The following KIF26B variants were observed in gnomAD, a reference collection of about 807,000 sequenced individuals.
The protein encoded by KIF26B is kinesin-like protein KIF26B.
A neutral mutation model predicts 151.2 loss-of-function variants in KIF26B; 63 were observed. The ratio of observed to expected loss-of-function variants is 0.42; its 90% CI spans 0.34 to 0.51. The LOEUF is 0.51. Among genes scored for constraint, KIF26B ranks in the 20% least tolerant of loss-of-function variants. The pLI, the probability that KIF26B is intolerant of heterozygous loss-of-function variation, is 0.07. For missense variants in KIF26B, 2,813 were observed against 2,913.6 expected (o/e 0.97, Z 0.79); for synonymous variants, 1,357 against 1,262.1 (o/e 1.08, Z -1.59).
intron 9 of KIF26B, among the ~76,000 whole-genome samples, chr1:245,644,862 TTA>T (rs1430728390): frequency 6.6e-6 from 1 of 152,180 alleles, no homozygotes; most frequent in Non-Finnish European, 1.5e-5. Context: ...GCTGGGTGAT[TTA>T]TAAAGAGGCT....
chr1:245,453,071 T>C (rs560140381), intron 4 of KIF26B, among the ~76,000 whole-genome samples: 1 of 152,308 alleles, frequency 6.6e-6, no homozygotes, highest in South Asian at 2.1e-4. Context: ...GCTCTCATAT[T>C]TGGGTTCTTT....
At position 245,597,548 on chromosome 1, in the gene KIF26B, C is replaced by T. The variant is rs934433248; in HGVS notation, c.1351-5029C>T. Among the ~76,000 whole-genome samples, 3 of 152,164 alleles carry T rather than the reference C, an allele frequency of 2.0e-5. No individual in the cohort carries two copies. The highest frequency in any genetic ancestry group is 7.2e-5 in the African/African-American group (3 of 41,444). On this transcript the variant is annotated intron_variant, in intron 5 of 14. Transcript: ENST00000407071. The surrounding 1 kb of genome is among the most constrained non-coding windows in gnomAD (Gnocchi z 4.6). ...TTTGTGGGTAACCTGACCTTTCTCT[C>T]TAGTGCCCATAACATTTTTCCATCA...
chr1:245,640,461 C>T (rs2043880839), intron 9 of KIF26B, among the ~76,000 whole-genome samples: 1 of 151,786 alleles, frequency 6.6e-6, no homozygotes, highest in South Asian at 2.1e-4. Flanking sequence ...ACTTATTAAT[C>T]CATTCAGCCA....
intron 4 of KIF26B, among the ~76,000 whole-genome samples, chr1:245,452,784 A>G (rs1314608049): frequency 2.0e-5 from 3 of 152,038 alleles, no homozygotes; most frequent in African/African-American, 7.2e-5. Context: ...TTCGTCCATT[A>G]TCTTTATATT....
At chr1:245,385,893 T>A (rs765693587) in intron 3 of KIF26B, among the ~76,000 whole-genome samples, 3 of 152,030 alleles carry the variant, frequency 2.0e-5, no homozygotes, top group Non-Finnish European at 4.4e-5. Flanking sequence ...CCAAAGTCCT[T>A]GGAGATTGGT....
intron 5 of KIF26B, among the ~76,000 whole-genome samples, chr1:245,541,649 CG>C (rs1386850592): frequency 6.6e-6 from 1 of 152,180 alleles, no homozygotes. Flanking sequence ...GAAAGAAAGA[CG>C]TGGCGGTTTA....
intron 2 of KIF26B, among the ~76,000 whole-genome samples, chr1:245,307,951 A>G (rs902525292): frequency 2.0e-5 from 3 of 152,202 alleles, no homozygotes; most frequent in African/African-American, 7.2e-5. Flanking sequence ...CATGTTGGCC[A>G]GGTCTACCAG....
Position 245,290,289 on chromosome 1 carries a change from G to A in KIF26B, c.466-76545G>A, listed in dbSNP as rs556909523. 2.0e-5 allele frequency among the ~76,000 whole-genome samples: 3 copies of A among 152,284 alleles called. No homozygotes were observed. The South Asian group carries it at 6.2e-4, about 32-fold the overall frequency. The stretch of plus-strand genomic sequence containing the variant: ...CCTACTGTCACTGGAAAGGAGTTCC[G>A]ATCCAGACTCCATGAGAGGGTTCTT... On this transcript the variant is annotated intron_variant, in intron 2 of 14. Coordinates refer to ENST00000407071, the MANE Select transcript of KIF26B (RefSeq NM_018012.4).
At chr1:245,165,258 C>T (rs924471629) in intron 2 of KIF26B, among the ~76,000 whole-genome samples, 1 of 152,056 alleles carries the variant, frequency 6.6e-6, no homozygotes, top group Non-Finnish European at 1.5e-5. Context: ...GAAAACCCGC[C>T]ATGGGGAGCT....
In KIF26B at chr1:245,252,673, CTT is replaced by C. The variant is rs1455161426; in HGVS notation, c.465+95993_465+95994del. On this transcript the variant is annotated intron_variant, in intron 2 of 14. Transcript: ENST00000407071. ...AGATAATATGTCTGCAATTATGACT[CTT>C]TTGTCATAATTGCAGATAATATGTC... Among the ~76,000 whole-genome samples the C allele has an allele frequency of 2.6e-5, 4 of 150,944 alleles. No individual in the cohort carries two copies. The East Asian group carries it at 5.8e-4, about 22-fold the overall frequency.
chr1:245,533,145 C>T (rs551196438), intron 4 of KIF26B, among the ~76,000 whole-genome samples: 3 of 152,266 alleles, frequency 2.0e-5, no homozygotes, highest in African/African-American at 7.2e-5. Context: ...TGCTTATTAT[C>T]AGATAGCCTT....
In KIF26B at chr1:245,699,495, A is replaced by G. The variant is rs555636859; in HGVS notation, c.6178+458A>G. On this transcript the variant is annotated intron_variant, in intron 14 of 14. Transcript: ENST00000407071. ...AAGCAAGGAAAACATTTTTGAGTGGAAAAAAAAAAAAAAAGACAGCCACAG... is the reference window on the plus strand; with the variant it reads ...AAGCAAGGAAAACATTTTTGAGTGGGAAAAAAAAAAAAAAGACAGCCACAG... Among the ~76,000 whole-genome samples the G allele has an allele frequency of 3.9e-3, 511 of 132,518 alleles. 4 individuals carry two copies. Among genetic ancestry groups the G allele is most frequent in the Admixed American group, 5.3e-3 (73 of 13,716 alleles). The allele number at this position is 132,518 out of a possible 152,430, so 86.9% of individuals were successfully genotyped here. A position where few individuals can be genotyped will look rare whatever the true frequency, so the allele number is the denominator to read the frequency against.
rs79636433 is a variant in KIF26B, at chr1:245,383,667, C to A, written c.999+16300C>A. The stretch of plus-strand genomic sequence containing the variant: ...GTAACTGGCAACTTAGAAGCAGCAG[C>A]CTCTTTGATGAGTCCATTAGGAGGT... On this transcript the variant is annotated intron_variant, in intron 3 of 14. Transcript: ENST00000407071. Among the ~76,000 whole-genome samples the A allele has an allele frequency of 3.1e-3, 476 of 152,246 alleles. 2 individuals carry two copies. The highest frequency in any genetic ancestry group is 0.01 in the Middle Eastern group (3 of 294).
intron 9 of KIF26B, among the ~76,000 whole-genome samples, chr1:245,625,250 TGG>T (rs1458939830): frequency 1.3e-5 from 2 of 152,238 alleles, no homozygotes; most frequent in African/African-American, 4.8e-5. Context: ...TCAGTGTATT[TGG>T]CATTTCCATA....
At chr1:245,201,463 C>T (rs1447744645) in intron 2 of KIF26B, among the ~76,000 whole-genome samples, 1 of 152,208 alleles carries the variant, frequency 6.6e-6, no homozygotes, top group African/African-American at 2.4e-5. Flanking sequence ...CGCTTCTAAC[C>T]TTCAGCCCTG....
chr1:245,597,489 G>A lies in KIF26B; in HGVS notation c.1351-5088G>A, dbSNP rs543152743. On this transcript the variant is annotated intron_variant, in intron 5 of 14. Coordinates refer to ENST00000407071, the MANE Select transcript of KIF26B (RefSeq NM_018012.4). The surrounding 1 kb of genome is among the most constrained non-coding windows in gnomAD (Gnocchi z 4.6). ...CTGGCTTGTAGGGTTTCTGCAGAGA[G>A]ATCTGCTGTTAGTCTAGGGAAGATG... 6.6e-6 allele frequency among the ~76,000 whole-genome samples: 1 copy of A among 152,284 alleles called. No homozygotes were observed. The highest frequency in any genetic ancestry group is 1.9e-4 in the East Asian group (1 of 5,178).
chr1:245,315,439 A>G (rs1044940789), intron 2 of KIF26B, among the ~76,000 whole-genome samples: 2 of 151,842 alleles, frequency 1.3e-5, no homozygotes. Flanking sequence ...AGAAAAAAAA[A>G]GGCCGGGTGC....
chr1:245,664,106 C>T (rs1041570838), intron 10 of KIF26B, among the ~76,000 whole-genome samples: 2 of 152,114 alleles, frequency 1.3e-5, no homozygotes, highest in African/African-American at 2.4e-5. Context: ...TGGTGGCTCA[C>T]GCCTGTAATC....
chr1:245,492,135 A>G (rs1660420869), intron 4 of KIF26B, among the ~76,000 whole-genome samples: 1 of 152,228 alleles, frequency 6.6e-6, no homozygotes, highest in African/African-American at 2.4e-5. Flanking sequence ...ACAGCGGGAC[A>G]AGCAGCAATG....
Sources: gnomAD v4.1 joint callset for allele counts (sites outside exome capture counted in the v4.1 genomes callset) on GRCh38, gnomAD v4.1.1 for gene constraint, Gnocchi (gnomAD v3.1) non-coding constraint, MANE v1.5 for transcripts, NCBI Gene and HGNC (gene_info 2026-07-23, HGNC 2026-07-21) for gene names.